Variants in CYP4X1 observed in about 807,000 individuals in gnomAD.
CYP4X1 encodes the protein cytochrome P450 4X1.
A neutral mutation model predicts 57.9 loss-of-function variants in CYP4X1; 44 were observed. That is an observed-to-expected ratio of 0.76 (90% CI 0.60 to 0.98). The LOEUF (loss-of-function observed/expected upper bound fraction) is 0.98. Ranked by LOEUF, CYP4X1 falls within the 50% of genes least tolerant of loss-of-function variation. The pLI, the probability that CYP4X1 is intolerant of heterozygous loss-of-function variation, is 0.00. For missense variants in CYP4X1, 532 were observed against 623.9 expected (o/e 0.85, Z 1.57); for synonymous variants, 227 against 228.6 (o/e 0.99, Z 0.06).
At chr1:47,013,351 T>A in the CYP4X1 span, among the ~76,000 whole-genome samples, 15 of 152,304 alleles carry the variant, frequency 9.8e-5, no homozygotes, top group East Asian at 2.3e-3. Flanking sequence ...GGTCAAGTTA[T>A]TTCGTTTCTC....
the CYP4X1 span, among the ~76,000 whole-genome samples, chr1:46,975,761 TC>T: frequency 6.6e-6 from 1 of 152,178 alleles, no homozygotes. Flanking sequence ...AAATAAGTTT[TC>T]CAAGTTGCTG....
chr1:47,055,196 G>C (rs1032514101), downstream of CYP4X1, among the ~76,000 whole-genome samples: 1 of 152,052 alleles, frequency 6.6e-6, no homozygotes, highest in Admixed American at 6.6e-5. Flanking sequence ...TTTGTCTTTG[G>C]TTCTGTTTAT....
the CYP4X1 span, among the ~76,000 whole-genome samples, chr1:47,010,942 C>T: frequency 1.4e-4 from 21 of 152,234 alleles, no homozygotes; most frequent in South Asian, 6.2e-4. Context: ...TCCATGCTCA[C>T]GGGTAGGAAG....
the CYP4X1 span, among the ~76,000 whole-genome samples, chr1:46,963,450 T>A: frequency 2.0e-5 from 3 of 151,438 alleles, no homozygotes; most frequent in Non-Finnish European, 4.4e-5. Context: ...GCAGGCCTGG[T>A]GGTGACAAAA....
At chr1:47,044,966 C>G (rs1219247074) in intron 8 of CYP4X1, among the ~76,000 whole-genome samples, 1 of 152,030 alleles carries the variant, frequency 6.6e-6, no homozygotes, top group East Asian at 1.9e-4. Flanking sequence ...GCTGGGATTA[C>G]AGGCATGCAC....
At chr1:47,049,625 G>C (rs573885633) in intron 11 of CYP4X1, 121 bp downstream of exon 11, 2 of 868,810 alleles carry the variant, frequency 2.3e-6, no homozygotes, top group African/African-American at 3.3e-5. Flanking sequence ...GTGCCTATTT[G>C]AGCCCCAAAG....
At chr1:47,051,526 A>C (rs1035316242), downstream of CYP4X1, among the ~76,000 whole-genome samples, 3 of 152,186 alleles carry the variant, frequency 2.0e-5, no homozygotes, top group Middle Eastern at 3.2e-3. Context: ...CATTAATTGC[A>C]GCAACACAAA....
chr1:46,980,899 T>C, the CYP4X1 span, among the ~76,000 whole-genome samples: 1 of 152,046 alleles, frequency 6.6e-6, no homozygotes, highest in African/African-American at 2.4e-5. Context: ...TATTTAAAAA[T>C]AAATGGTGCT....
rs1430605216 is a variant in CYP4X1 at position 47,035,837 on chromosome 1, A to T, written c.524A>T (p.Asp175Val). 10 of 1,613,506 alleles carry T rather than the reference A, an allele frequency of 6.2e-6. No homozygotes were observed. The highest frequency in any genetic ancestry group is 8.5e-6 in the Non-Finnish European group (10 of 1,179,678). The change falls in exon 5 of 12, where the codon GAC (aspartate) becomes GTC (valine). Residue 175 changes from aspartate to valine, a missense_variant. Transcript: ENST00000371901. The stretch of plus-strand genomic sequence containing the variant: ...TGGGAGAAGATTTGCAGCACTCAGG[A>T]CACAAGCGTGGAGGTCTATGAGCAC... ...DKWEKICSTQ[D>V]TSVEVYEHIN...
Position 47,023,995 on chromosome 1 carries a change from G to A in CYP4X1, c.177+1G>A. On this transcript the variant is annotated splice_donor_variant, in intron 1 of 11. Coordinates refer to ENST00000371901, the MANE Select transcript of CYP4X1 (RefSeq NM_178033.2). LOFTEE classifies it high-confidence loss of function. ...CCACTGGTTCCTTGGGCACCAGAAG[G>A]TAGATGGGAGGGAGGAGGGAGGAAG... 1 of 1,611,024 alleles carries A rather than the reference G, an allele frequency of 6.2e-7. No individual in the cohort carries two copies. The highest frequency in any genetic ancestry group is 8.5e-7 in the Non-Finnish European group (1 of 1,178,572).
the CYP4X1 span, among the ~76,000 whole-genome samples, chr1:46,977,454 C>T: frequency 1.7e-4 from 26 of 152,042 alleles, no homozygotes; most frequent in Non-Finnish European, 2.8e-4. Context: ...TGAACAAAGC[C>T]TCCAAGAAAT....
In CYP4X1 at chr1:47,030,105, A is replaced by C; in HGVS notation, c.293A>C (p.Tyr98Ser). The C allele has an allele frequency of 6.2e-7, 1 of 1,614,050 alleles. No homozygotes were observed. The highest frequency in any genetic ancestry group is 8.5e-7 in the Non-Finnish European group (1 of 1,179,948). The change falls in exon 2 of 12, where the codon TAT (tyrosine) becomes TCT (serine). Residue 98 changes from tyrosine (Y) to serine (S), a missense_variant. Coordinates refer to ENST00000371901, the MANE Select transcript of CYP4X1 (RefSeq NM_178033.2). ...TTTTTCTGTATCTATGACCCAGACT[A>C]TGCAAAGACACTTCTGAGCAGAACA... ...QAFFCIYDPD[Y>S]AKTLLSRTDP...
chr1:47,022,097 C>CTG (rs1230758218), upstream of CYP4X1, among the ~76,000 whole-genome samples: 1 of 152,062 alleles, frequency 6.6e-6, no homozygotes, highest in East Asian at 1.9e-4. Context: ...CCAGAAGAAG[C>CTG]TGTGTAAGCC....
the CYP4X1 span, among the ~76,000 whole-genome samples, chr1:46,984,201 C>A: frequency 1.1e-4 from 16 of 152,088 alleles, no homozygotes; most frequent in Middle Eastern, 0.014. Context: ...CCTGGGGGCT[C>A]TTGCTCACTC....
chr1:47,019,310 A>G (rs1643972518), upstream of CYP4X1, among the ~76,000 whole-genome samples: 1 of 152,164 alleles, frequency 6.6e-6, no homozygotes, highest in African/African-American at 2.4e-5. Flanking sequence ...TCAGACCCCC[A>G]ATAAACTTGT....
chr1:46,961,988 C>T, the CYP4X1 span, among the ~76,000 whole-genome samples: 1 of 152,118 alleles, frequency 6.6e-6, no homozygotes, highest in African/African-American at 2.4e-5. Context: ...TGTCTTCTAC[C>T]CTGGATAGGC....
At chr1:46,961,468 A>C in the CYP4X1 span, 33 of 994,488 alleles carry the variant, frequency 3.3e-5, no homozygotes, top group Non-Finnish European at 4.1e-5. Flanking sequence ...CTCTGGTTTG[A>C]ACCGTTCACT....
At chr1:46,962,804 G>A in the CYP4X1 span, among the ~76,000 whole-genome samples, 13 of 152,136 alleles carry the variant, frequency 8.5e-5, no homozygotes, top group East Asian at 3.9e-4. Context: ...CTTGGATATC[G>A]GTTGTTAACT....
intron 1 of CYP4X1, among the ~76,000 whole-genome samples, chr1:47,027,174 G>GTTTTTTTTTTTTTTTTTTTTAT (rs372114320): frequency 6.8e-6 from 1 of 147,444 alleles, no homozygotes. Flanking sequence ...CTGTCACTAA[G>GTTTTTTTTTTTTTTTTTTTTAT]TTTTTTTTTT....
Sources: allele counts gnomAD v4.1 joint callset (sites outside exome capture counted in the v4.1 genomes callset), GRCh38; gene constraint gnomAD v4.1.1; transcripts MANE v1.5; gene names NCBI Gene and HGNC (gene_info 2026-07-23, HGNC 2026-07-21).